Variants in DDAH1 observed in about 807,000 individuals in gnomAD.
DDAH1 encodes dimethylarginine dimethylaminohydrolase 1.
In DDAH1, 19 loss-of-function variants were observed where a neutral mutation model predicts 28.8. The ratio of observed to expected loss-of-function variants is 0.66; its 90% CI spans 0.46 to 0.97. DDAH1 has a LOEUF of 0.97. Among genes scored for constraint, DDAH1 ranks in the 50% least tolerant of loss-of-function variants. The pLI is 0.00. For synonymous variants in DDAH1, 153 were observed against 154.4 expected (o/e 0.99, Z 0.07); for missense variants, 326 against 375.9 (o/e 0.87, Z 1.10).
chr1:85,553,484 G>A (rs1251695193), intron 1 of DDAH1, among the ~76,000 whole-genome samples: 1 of 152,230 alleles, frequency 6.6e-6, no homozygotes, highest in African/African-American at 2.4e-5. Flanking sequence ...GAAACAGGGA[G>A]TGACCTGGGT....
At chr1:85,547,378 G>A (rs1360107664) in intron 1 of DDAH1, among the ~76,000 whole-genome samples, 1 of 152,154 alleles carries the variant, frequency 6.6e-6, no homozygotes, top group East Asian at 1.9e-4. Flanking sequence ...GAGAAGTTGA[G>A]ACTATCCCAG....
At chr1:85,471,000 C>G (rs531920551) in intron 2 of DDAH1, among the ~76,000 whole-genome samples, 1 of 152,312 alleles carries the variant, frequency 6.6e-6, no homozygotes, top group African/African-American at 2.4e-5. Flanking sequence ...ACCCGTGTTT[C>G]ACCATTTTCT....
intron 1 of DDAH1, chr1:85,435,369 T>C (rs1046652930): frequency 1.3e-5 from 2 of 152,246 alleles, no homozygotes; most frequent in African/African-American, 4.8e-5. Context: ...CATGATTTTG[T>C]TCTCTTCTTT....
At chr1:85,432,160 A>G (rs1376991020) in intron 1 of DDAH1, among the ~76,000 whole-genome samples, 2 of 152,132 alleles carry the variant, frequency 1.3e-5, no homozygotes, top group African/African-American at 4.8e-5. Context: ...CTAGACTGTG[A>G]CCTCCTGTTT....
intron 1 of DDAH1, among the ~76,000 whole-genome samples, chr1:85,506,949 C>T (rs879410409): frequency 1.4e-4 from 22 of 151,984 alleles, no homozygotes; most frequent in Admixed American, 1.4e-3. Context: ...GAAAGGAGTT[C>T]CAGAGGCACA....
At chr1:85,529,102 A>T (rs1453141821) in intron 1 of DDAH1, among the ~76,000 whole-genome samples, 1 of 150,726 alleles carries the variant, frequency 6.6e-6, no homozygotes, top group Non-Finnish European at 1.5e-5. Flanking sequence ...AACATTTAAG[A>T]TAGGGTCGGA....
chr1:85,365,048 G>T (rs1345058752), intron 1 of DDAH1, among the ~76,000 whole-genome samples: 2 of 152,142 alleles, frequency 1.3e-5, no homozygotes, highest in Admixed American at 6.5e-5. Context: ...CTTCCTATGT[G>T]CCAGGCACTC....
chr1:85,481,098 G>GTTTTTTTTT (rs71075839), intron 2 of DDAH1, among the ~76,000 whole-genome samples: 27 of 113,464 alleles, frequency 2.4e-4, no homozygotes, highest in Non-Finnish European at 2.9e-4. Context: ...TGGGTTTTTT[G>GTTTTTTTTT]TTTTTTTTTT....
chr1:85,384,532 TC>T (rs1349903030), intron 1 of DDAH1, among the ~76,000 whole-genome samples: 2 of 152,208 alleles, frequency 1.3e-5, no homozygotes, highest in Non-Finnish European at 2.9e-5. Flanking sequence ...GTCCTACACT[TC>T]CTGTGTGCAC....
chr1:85,349,613 GATA>G (rs1406147577), intron 4 of DDAH1, among the ~76,000 whole-genome samples: 1 of 152,182 alleles, frequency 6.6e-6, no homozygotes, highest in Non-Finnish European at 1.5e-5. Flanking sequence ...GCAAAATGGA[GATA>G]ATACCACCTC....
rs79693066 is a variant in DDAH1, at chr1:85,434,192, T to A, written c.303+30551A>T. On this transcript the variant is annotated intron_variant, in intron 1 of 5. Transcript: ENST00000284031. Reference sequence around the variant, plus strand: ...TACTTTATAGTTATTATATTTTAGTTATTACATTTAACATTTTGATCCATC... The same window carrying A: ...TACTTTATAGTTATTATATTTTAGTAATTACATTTAACATTTTGATCCATC... 8.6e-3 allele frequency among the ~76,000 whole-genome samples: 1,316 copies of A among 152,252 alleles called. 21 individuals are homozygous for A. Among genetic ancestry groups the A allele is most frequent in the African/African-American group, 0.03 (1,263 of 41,556 alleles).
chr1:85,402,380 A>G (rs1652155892), intron 1 of DDAH1, among the ~76,000 whole-genome samples: 1 of 152,106 alleles, frequency 6.6e-6, no homozygotes, highest in African/African-American at 2.4e-5. Context: ...CTTTTCTTCA[A>G]GCAGAGTCTT....
chr1:85,417,927 T>C (rs1215337069), intron 1 of DDAH1, among the ~76,000 whole-genome samples: 1 of 152,248 alleles, frequency 6.6e-6, no homozygotes, highest in East Asian at 1.9e-4. Context: ...AATTATTACA[T>C]ATATTTACAT....
At chr1:85,545,758 G>A (rs971568569) in intron 1 of DDAH1, among the ~76,000 whole-genome samples, 3 of 152,160 alleles carry the variant, frequency 2.0e-5, no homozygotes, top group African/African-American at 7.2e-5. Flanking sequence ...CAGAAATGGT[G>A]GAGAAGGTGG....
intron 1 of DDAH1, among the ~76,000 whole-genome samples, chr1:85,526,369 T>G (rs1570642662): frequency 6.6e-6 from 1 of 152,338 alleles, no homozygotes; most frequent in East Asian, 1.9e-4. Context: ...TGAGTTTCAT[T>G]TCTTTGGCAG....
intron 2 of DDAH1, among the ~76,000 whole-genome samples, chr1:85,355,769 T>A (rs920733528): frequency 6.6e-6 from 1 of 152,090 alleles, no homozygotes; most frequent in East Asian, 1.9e-4. Flanking sequence ...GTAGTAAAAT[T>A]AATACATACA....
At chr1:85,549,770 T>A (rs1658730187) in intron 1 of DDAH1, among the ~76,000 whole-genome samples, 1 of 152,196 alleles carries the variant, frequency 6.6e-6, no homozygotes, top group African/African-American at 2.4e-5. Flanking sequence ...TTTATATGAG[T>A]TAATCTCTTA....
At chr1:85,362,659 T>C (rs1649854154) in intron 1 of DDAH1, among the ~76,000 whole-genome samples, 1 of 152,208 alleles carries the variant, frequency 6.6e-6, no homozygotes, top group East Asian at 1.9e-4. Flanking sequence ...TCTCAGTTTC[T>C]TGACCTGCAA....
At chr1:85,375,778 A>C (rs1432785649) in intron 1 of DDAH1, among the ~76,000 whole-genome samples, 1 of 152,112 alleles carries the variant, frequency 6.6e-6, no homozygotes, top group African/African-American at 2.4e-5. Flanking sequence ...TTTAGAGGAG[A>C]TCATGGAAAA....
Sources: gnomAD v4.1 joint callset for allele counts (sites outside exome capture counted in the v4.1 genomes callset) on GRCh38, gnomAD v4.1.1 for gene constraint, MANE v1.5 for transcripts, NCBI Gene and HGNC (gene_info 2026-07-23, HGNC 2026-07-21) for gene names.